LRRC8D: variants seen among roughly 807,000 people sequenced by gnomAD.
LRRC8D encodes leucine rich repeat containing 8 VRAC subunit D, also known as volume-regulated anion channel subunit LRRC8D.
LRRC8D carries 20 observed loss-of-function variants against 55.8 expected under a neutral mutation model. The ratio of observed to expected loss-of-function variants is 0.36; its 90% confidence interval spans 0.25 to 0.52. The LOEUF is 0.52. LRRC8D is among the 20% of genes least tolerant of loss of function. The pLI, the probability that LRRC8D is intolerant of heterozygous loss-of-function variation, is 0.93. For synonymous variants in LRRC8D, 352 were observed against 377.0 expected (o/e 0.93, Z 0.77); for missense variants, 651 against 1,030.8 (o/e 0.63, Z 5.05).
At chr1:89,886,295 G>A (rs1045647702) in intron 2 of LRRC8D, among the ~76,000 whole-genome samples, 2 of 151,590 alleles carry the variant, frequency 1.3e-5, no homozygotes, top group African/African-American at 2.4e-5. Context: ...CAAGAGCCCC[G>A]GACGGGGGAG....
At chr1:89,871,867 C>T (rs1662013876) in intron 2 of LRRC8D, among the ~76,000 whole-genome samples, 1 of 152,004 alleles carries the variant, frequency 6.6e-6, no homozygotes, top group African/African-American at 2.4e-5. Context: ...GTACTTTTGC[C>T]TGTTTGTTTG....
intron 2 of LRRC8D, among the ~76,000 whole-genome samples, chr1:89,930,119 T>G (rs1257479138): frequency 6.6e-6 from 1 of 152,172 alleles, no homozygotes; most frequent in Non-Finnish European, 1.5e-5. Flanking sequence ...ACAAAACTTG[T>G]CTGTGGTGCC....
chr1:89,858,653 T>A (rs1661620497), intron 2 of LRRC8D, among the ~76,000 whole-genome samples: 1 of 135,694 alleles, frequency 7.4e-6, no homozygotes, highest in African/African-American at 2.8e-5. Flanking sequence ...TAAAATTTTG[T>A]AAATATAATT....
intron 2 of LRRC8D, among the ~76,000 whole-genome samples, chr1:89,887,496 A>G (rs2801992): frequency 0.055 from 8,440 of 152,210 alleles, 813 homozygotes; most frequent in African/African-American, 0.2. Context: ...TCCTGGTAAT[A>G]GTTTTTTGAT....
chr1:89,876,944 G>A (rs146799828), intron 2 of LRRC8D, among the ~76,000 whole-genome samples: 29 of 152,368 alleles, frequency 1.9e-4, no homozygotes, highest in African/African-American at 7.0e-4. Flanking sequence ...GTGAGCACAT[G>A]AAGTGTGGAA....
intron 1 of LRRC8D, among the ~76,000 whole-genome samples, chr1:89,830,989 T>C (rs1660872833): frequency 1.4e-5 from 2 of 145,564 alleles, no homozygotes. Flanking sequence ...CACTGCAACC[T>C]CCGCCTCCCG....
intron 2 of LRRC8D, among the ~76,000 whole-genome samples, chr1:89,905,731 G>A (rs1662971365): frequency 6.6e-6 from 1 of 152,210 alleles, no homozygotes; most frequent in South Asian, 2.1e-4. Flanking sequence ...CTGGTACCCT[G>A]CAGGGGAAAG....
chr1:89,912,082 C>G (rs1663146315), intron 2 of LRRC8D, among the ~76,000 whole-genome samples: 1 of 152,096 alleles, frequency 6.6e-6, no homozygotes, highest in Non-Finnish European at 1.5e-5. Flanking sequence ...TTCAGGACAA[C>G]CAACTACTAG....
chr1:89,842,454 A>G (rs1319807751), intron 1 of LRRC8D, among the ~76,000 whole-genome samples: 2 of 152,244 alleles, frequency 1.3e-5, no homozygotes, highest in Non-Finnish European at 2.9e-5. Context: ...GATGTTGTCT[A>G]GCACTGAGTA....
intron 2 of LRRC8D, among the ~76,000 whole-genome samples, chr1:89,867,616 G>A (rs74834991): frequency 0.025 from 3,769 of 152,134 alleles, 170 homozygotes; most frequent in African/African-American, 0.087. Context: ...TTTTTCTTGC[G>A]TGTATTCTGC....
In LRRC8D at chr1:89,873,638, T is replaced by C. The variant is rs563765085; in HGVS notation, c.-3+29856T>C. 2.0e-5 allele frequency among the ~76,000 whole-genome samples: 3 copies of C among 152,334 alleles called. No homozygotes were observed. The East Asian group carries it at 5.8e-4, about 29-fold the overall frequency. ...CTGAAGAGTTAAAATATGAAACATA[T>C]CTTTGTCATGTAGGATTGAAAACTA... On this transcript the variant is annotated intron_variant, in intron 2 of 2. Coordinates refer to ENST00000337338, the MANE Select transcript of LRRC8D (RefSeq NM_001134479.2).
chr1:89,829,515 A>T (rs1660837799), intron 1 of LRRC8D, among the ~76,000 whole-genome samples: 1 of 152,182 alleles, frequency 6.6e-6, no homozygotes, highest in Non-Finnish European at 1.5e-5. Context: ...TATAATATAT[A>T]CCTATTCTCT....
At chr1:89,871,243 A>G (rs577208279) in intron 2 of LRRC8D, among the ~76,000 whole-genome samples, 3 of 152,198 alleles carry the variant, frequency 2.0e-5, no homozygotes, top group Non-Finnish European at 4.4e-5. Context: ...TCTTATGTCT[A>G]TCTAGGGTTA....
intron 2 of LRRC8D, among the ~76,000 whole-genome samples, chr1:89,920,978 A>G (rs1337137029): frequency 1.3e-5 from 2 of 152,240 alleles, no homozygotes; most frequent in Non-Finnish European, 2.9e-5. Flanking sequence ...CATGTTCTCC[A>G]TTTGCCCAGG....
At chr1:89,931,003 ATT>A (rs56714673) in intron 2 of LRRC8D, among the ~76,000 whole-genome samples, 1,759 of 120,880 alleles carry the variant, frequency 0.015, 34 homozygotes, top group African/African-American at 0.053. Context: ...TTCCTTGGTA[ATT>A]TTTTTTTTTT....
chr1:89,847,138 G>A lies in LRRC8D; in HGVS notation c.-3+3356G>A, dbSNP rs141600912. On this transcript the variant is annotated intron_variant, in intron 2 of 2. Transcript: ENST00000337338. ...AAGTTTATTTCCTTATCTTTGTAGC[G>A]CTTAAAGTTGAGGCTCTCTTTAGTT... Among the ~76,000 whole-genome samples the A allele has an allele frequency of 6.3e-3, 954 of 152,198 alleles. 15 individuals are homozygous for A. The highest frequency in any genetic ancestry group is 0.022 in the African/African-American group (903 of 41,518).
intron 2 of LRRC8D, among the ~76,000 whole-genome samples, chr1:89,868,946 G>A (rs1216258813): frequency 6.6e-6 from 1 of 151,864 alleles, no homozygotes; most frequent in East Asian, 1.9e-4. Flanking sequence ...TCACTCTTTC[G>A]CCCAGGCTGG....
intron 2 of LRRC8D, among the ~76,000 whole-genome samples, chr1:89,905,191 C>G (rs1450429467): frequency 6.6e-6 from 1 of 152,112 alleles, no homozygotes; most frequent in Admixed American, 6.5e-5. Context: ...AGAAACTTTT[C>G]AAGGGGCTAA....
rs753686455 is a variant in LRRC8D at position 89,933,297 on chromosome 1, A to G, written c.229A>G (p.Thr77Ala). The G allele has an allele frequency of 1.5e-5, 25 of 1,614,182 alleles. No individual in the cohort carries two copies. Among genetic ancestry groups the G allele is most frequent in the Non-Finnish European group, 2.1e-5 (25 of 1,180,020 alleles). ...HTPPGNAEVT[T>A]NIPKMEAATN... ...ACCACCAGGAAATGCCGAGGTCACC[A>G]CCAACATCCCAAAGATGGAAGCAGC... Residue 77 changes from threonine to alanine, a missense_variant, in exon 3 of 3, where the codon ACC (threonine) becomes GCC (alanine). Physicochemically the swap from Thr to Ala is moderately conservative, Grantham distance 58 (BLOSUM62 0). Coordinates refer to ENST00000337338, the MANE Select transcript of LRRC8D (RefSeq NM_001134479.2). This position sits in a 1 kb window ranked among gnomAD's most constrained non-coding sequence, Gnocchi z 7.0.
Sources: allele counts gnomAD v4.1 joint callset (sites outside exome capture counted in the v4.1 genomes callset), GRCh38; gene constraint gnomAD v4.1.1; non-coding constraint Gnocchi (gnomAD v3.1); transcripts MANE v1.5; gene names NCBI Gene and HGNC (gene_info 2026-07-23, HGNC 2026-07-21).